The following CCDC6 variants were observed in gnomAD, a reference collection of about 807,000 sequenced individuals.
CCDC6 encodes the protein coiled-coil domain-containing protein 6.
A neutral mutation model predicts 56.6 loss-of-function variants in CCDC6; 20 were observed. That is an observed-to-expected ratio of 0.35 (90% CI 0.25 to 0.51). The LOEUF is 0.51. Ranked by LOEUF, CCDC6 falls within the 20% of genes least tolerant of loss-of-function variation. CCDC6 has a pLI of 0.95. For synonymous variants in CCDC6, 241 were observed against 234.4 expected (o/e 1.03, Z -0.26); for missense variants, 367 against 601.1 (o/e 0.61, Z 4.07).
chr10:59,822,973 C>T (rs577347676), intron 3 of CCDC6, among the ~76,000 whole-genome samples: 14 of 151,926 alleles, frequency 9.2e-5, no homozygotes, highest in East Asian at 3.9e-4. Context: ...GGTTTGACTT[C>T]GGAGGGACAG....
Position 59,790,003 on chromosome 10 carries a change from A to G in CCDC6, c.*2914T>C, listed in dbSNP as rs1401589979. ...TTGCTAGTCAGTATCTCAGGAGCTC[A>G]GAATTTAAAACTCCTTTCAGTCAAC... On this transcript the variant is annotated 3_prime_UTR_variant, in exon 9 of 9. Coordinates refer to ENST00000263102, the MANE Select transcript of CCDC6 (RefSeq NM_005436.5). 9.2e-6 allele frequency: 2 copies of G among 216,886 alleles called. No homozygotes were observed. Among genetic ancestry groups the G allele is most frequent in the African/African-American group, 4.5e-5 (2 of 44,424 alleles). The allele number at this position is 216,886 out of a possible 1,614,324, so 13.4% of individuals were successfully genotyped here. A position where few individuals can be genotyped will look rare whatever the true frequency, so the allele number is the denominator to read the frequency against.
rs989589568 is a variant in CCDC6, at chr10:59,790,207, T to C, written c.*2710A>G. 4.6e-5 allele frequency: 10 copies of C among 217,202 alleles called. No homozygotes were observed. In the East Asian group the frequency reaches 6.8e-4, roughly 15 times the overall value. 13.5% of individuals were successfully genotyped at this position (217,202 alleles called of 1,614,324 possible). A position where few individuals can be genotyped will look rare whatever the true frequency, so the allele number is the denominator to read the frequency against. On this transcript the variant is annotated 3_prime_UTR_variant, in exon 9 of 9. Transcript: ENST00000263102. The stretch of plus-strand genomic sequence containing the variant: ...TAATCTGGCAACAGAGTACTTATCC[T>C]ATTAGCAGCACAGTGGTAGCCAAGG...
At chr10:59,836,052 TAAAAAAAAA>T (rs59353306) in intron 2 of CCDC6, among the ~76,000 whole-genome samples, 4 of 57,594 alleles carry the variant, frequency 6.9e-5, no homozygotes, top group East Asian at 5.2e-4. Flanking sequence ...CGACCCTGTC[TAAAAAAAAA>T]AAAAAAAAAA....
At chr10:59,795,876 T>C (rs1271286215) in intron 7 of CCDC6, among the ~76,000 whole-genome samples, 17 of 152,254 alleles carry the variant, frequency 1.1e-4, no homozygotes, top group Non-Finnish European at 2.2e-4. Flanking sequence ...CAGTCTATCG[T>C]TGTTGGACAT....
chr10:59,800,797 C>T (rs1461195539), intron 7 of CCDC6, among the ~76,000 whole-genome samples: 1 of 151,932 alleles, frequency 6.6e-6, no homozygotes, highest in Non-Finnish European at 1.5e-5. Context: ...TTGAAATTGC[C>T]AAACCACAAA....
At chr10:59,850,188 C>T (rs143714676) in intron 2 of CCDC6, among the ~76,000 whole-genome samples, 5 of 152,118 alleles carry the variant, frequency 3.3e-5, no homozygotes, top group East Asian at 3.9e-4. Context: ...CACCTAAAGA[C>T]GAGGGGAAGA....
chr10:59,853,482 C>T (rs1026359749), intron 1 of CCDC6, among the ~76,000 whole-genome samples: 8 of 151,760 alleles, frequency 5.3e-5, no homozygotes, highest in African/African-American at 1.7e-4. Flanking sequence ...TGCAGTGAGC[C>T]GAGATCATGC....
At chr10:59,808,423 A>G (rs2070644944) in intron 5 of CCDC6, among the ~76,000 whole-genome samples, 1 of 152,056 alleles carries the variant, frequency 6.6e-6, no homozygotes, top group East Asian at 1.9e-4. Flanking sequence ...CAACCTCCCC[A>G]CCGCCCCCAT....
intron 1 of CCDC6, among the ~76,000 whole-genome samples, chr10:59,863,564 G>T (rs2071152393): frequency 6.6e-6 from 1 of 152,170 alleles, no homozygotes; most frequent in Non-Finnish European, 1.5e-5. Flanking sequence ...GGGAAGGGTG[G>T]GTGGTGGGGA....
intron 3 of CCDC6, among the ~76,000 whole-genome samples, chr10:59,825,958 C>T (rs532287114): frequency 1.3e-5 from 2 of 152,298 alleles, no homozygotes; most frequent in South Asian, 4.2e-4. Flanking sequence ...TGATTTGCTG[C>T]AGCTGTAGAT....
At chr10:59,804,345 A>G (rs1373671732) in intron 7 of CCDC6, 75 bp downstream of exon 7, 9 of 859,530 alleles carry the variant, frequency 1.0e-5, no homozygotes, top group Middle Eastern at 2.2e-4. Flanking sequence ...TATACACTAG[A>G]AGGGAACACA....
In CCDC6 at chr10:59,792,789, T is replaced by C. The variant is rs758217667; in HGVS notation, c.*128A>G. On this transcript the variant is annotated 3_prime_UTR_variant, in exon 9 of 9. Transcript: ENST00000263102. The stretch of plus-strand genomic sequence containing the variant: ...TGACAAACATTTACAACACAATGGA[T>C]AGTGAAGCCTAGATAACCTCAGTGC... 3.2e-6 allele frequency: 3 copies of C among 941,126 alleles called. No homozygotes were observed. Among genetic ancestry groups the C allele is most frequent in the East Asian group, 4.8e-5 (2 of 41,834 alleles). 58.3% of individuals were successfully genotyped at this position (941,126 alleles called of 1,614,324 possible). A position where few individuals can be genotyped will look rare whatever the true frequency, so the allele number is the denominator to read the frequency against.
chr10:59,897,419 A>G (rs563239139), intron 1 of CCDC6, among the ~76,000 whole-genome samples: 6 of 151,994 alleles, frequency 3.9e-5, no homozygotes, highest in African/African-American at 1.4e-4. Flanking sequence ...ATGCCCAGCT[A>G]ATTTTTTGTA....
chr10:59,809,913 C>T (rs186265710), intron 5 of CCDC6, among the ~76,000 whole-genome samples: 5 of 152,258 alleles, frequency 3.3e-5, no homozygotes, highest in East Asian at 3.9e-4. Flanking sequence ...GTGTGAACTG[C>T]GGATGACTTC....
intron 1 of CCDC6, among the ~76,000 whole-genome samples, chr10:59,895,770 C>A (rs1283985057): frequency 2.0e-5 from 3 of 152,164 alleles, no homozygotes; most frequent in African/African-American, 7.2e-5. Context: ...GAAGGTCATG[C>A]CTGATAAGAG....
At position 59,791,223 on chromosome 10, in the gene CCDC6, T is replaced by C. The variant is rs1046318937; in HGVS notation, c.*1694A>G. ...ACATACATTATAAATAAAATTTATATAGACCTACAGTTTCTTCCAAACAAT... is the reference window on the plus strand; with the variant it reads ...ACATACATTATAAATAAAATTTATACAGACCTACAGTTTCTTCCAAACAAT... On this transcript the variant is annotated 3_prime_UTR_variant, in exon 9 of 9. Transcript: ENST00000263102. 5.1e-6 allele frequency: 1 copy of C among 196,732 alleles called. No homozygotes were observed. The highest frequency in any genetic ancestry group is 1.9e-4 in the South Asian group (1 of 5,200). The allele number at this position is 196,732 out of a possible 1,614,324, so 12.2% of individuals were successfully genotyped here.
intron 3 of CCDC6, among the ~76,000 whole-genome samples, chr10:59,819,269 T>A (rs1351885919): frequency 2.0e-5 from 3 of 152,244 alleles, no homozygotes; most frequent in Admixed American, 2.0e-4. Context: ...GAGGACTTAC[T>A]GTATTTCATT....
At chr10:59,843,564 C>T (rs761764423) in intron 2 of CCDC6, among the ~76,000 whole-genome samples, 13 of 152,116 alleles carry the variant, frequency 8.5e-5, no homozygotes, top group African/African-American at 2.9e-4. Flanking sequence ...GAAGAATCTG[C>T]GAAGTCCATT....
Position 59,804,527 on chromosome 10 carries a change from G to A in CCDC6, c.1005-7C>T. The A allele has an allele frequency of 6.6e-7, 1 of 1,526,674 alleles. No individual in the cohort carries two copies. The highest frequency in any genetic ancestry group is 9.1e-7 in the Non-Finnish European group (1 of 1,100,270). 94.6% of individuals were successfully genotyped at this position (1,526,674 alleles called of 1,614,324 possible). ...AGACATCTCATTAAAATACCTAAGA[G>A]GAGAGAGGAGGAAACGATAAAACCA... On this transcript the variant is annotated splice_polypyrimidine_tract_variant and splice_region_variant and intron_variant, in intron 6 of 8. Coordinates refer to ENST00000263102, the MANE Select transcript of CCDC6 (RefSeq NM_005436.5).
Sources: gnomAD v4.1 joint callset for allele counts (sites outside exome capture counted in the v4.1 genomes callset) on GRCh38, gnomAD v4.1.1 for gene constraint, MANE v1.5 for transcripts, NCBI Gene and HGNC (gene_info 2026-07-23, HGNC 2026-07-21) for gene names.